ITIH5: variants seen among roughly 807,000 people sequenced by gnomAD.
The protein encoded by ITIH5 is inter-alpha-trypsin inhibitor heavy chain H5.
In ITIH5, 65 loss-of-function variants were observed where a neutral mutation model predicts 77.5. The ratio of observed to expected loss-of-function variants is 0.84; its 90% confidence interval spans 0.69 to 1.03. ITIH5 has a LOEUF of 1.03. ITIH5 is among the 50% of genes least tolerant of loss of function. The probability of loss-of-function intolerance (pLI) is 0.00; values close to 1 mark genes in which losing one functional copy is unlikely to be tolerated. For synonymous variants in ITIH5, 525 were observed against 494.3 expected (o/e 1.06, Z -0.82); for missense variants, 1,208 against 1,213.1 (o/e 1.00, Z 0.06).
At chr10:7,593,847 C>T (rs1832844262) in intron 7 of ITIH5, among the ~76,000 whole-genome samples, 1 of 152,224 alleles carries the variant, frequency 6.6e-6, no homozygotes, top group Admixed American at 6.5e-5. Flanking sequence ...ACTGCAGCCA[C>T]CTGGCCCCAC....
At chr10:7,616,176 A>C in intron 6 of ITIH5, 78 bp from the exon 7 acceptor site, 1 of 812,140 alleles carries the variant, frequency 1.2e-6, no homozygotes, top group Non-Finnish European at 2.1e-6. Context: ...TAGTCTATGG[A>C]ATTTCTAAAA....
intron 11 of ITIH5, chr10:7,572,391 G>A: frequency 7.3e-6 from 10 of 1,365,818 alleles, no homozygotes; most frequent in Non-Finnish European, 8.8e-6. Flanking sequence ...CCCTTCTGAA[G>A]CCACGAACTG....
At chr10:7,636,123 A>G (rs1481784638) in intron 5 of ITIH5, among the ~76,000 whole-genome samples, 1 of 152,184 alleles carries the variant, frequency 6.6e-6, no homozygotes, top group Non-Finnish European at 1.5e-5. Context: ...TGAAATTCAT[A>G]TAGTAACTAA....
intron 10 of ITIH5, among the ~76,000 whole-genome samples, chr10:7,574,139 G>A (rs1345737058): frequency 6.6e-6 from 1 of 152,120 alleles, no homozygotes; most frequent in Non-Finnish European, 1.5e-5. Flanking sequence ...TCAAAGTACT[G>A]GTGCTTTGAA....
intron 12 of ITIH5, among the ~76,000 whole-genome samples, chr10:7,568,249 A>G (rs1046097989): frequency 6.6e-6 from 1 of 152,214 alleles, no homozygotes; most frequent in African/African-American, 2.4e-5. Context: ...TGCTTTGAGA[A>G]CAATCTTCCC....
At chr10:7,571,474 T>C (rs997083038) in intron 11 of ITIH5, 1 of 152,222 alleles carries the variant, frequency 6.6e-6, no homozygotes, top group Admixed American at 6.5e-5. Flanking sequence ...TGGAGTGCAA[T>C]GGTGCAATCT....
intron 5 of ITIH5, among the ~76,000 whole-genome samples, chr10:7,629,377 ATGTTGTAGCG>A (rs1833671173): frequency 1.7e-5 from 2 of 116,642 alleles, no homozygotes; most frequent in Admixed American, 1.8e-4. Context: ...GCGTGTGTCC[ATGTTGTAGCG>A]TGTGTCCATG....
chr10:7,610,005 C>CAAA (rs1300011307), intron 7 of ITIH5, among the ~76,000 whole-genome samples: 1 of 149,736 alleles, frequency 6.7e-6, no homozygotes, highest in Non-Finnish European at 1.5e-5. Flanking sequence ...CAACTAACAA[C>CAAA]AAAAAAAAGA....
chr10:7,664,897 G>A (rs1431558435), intron 1 of ITIH5, among the ~76,000 whole-genome samples: 1 of 152,140 alleles, frequency 6.6e-6, no homozygotes, highest in Non-Finnish European at 1.5e-5. Context: ...CTAAGTAATT[G>A]CATCATCCCC....
chr10:7,604,621 A>ATAGC (rs1282631370), intron 7 of ITIH5, among the ~76,000 whole-genome samples: 1 of 152,212 alleles, frequency 6.6e-6, no homozygotes, highest in Non-Finnish European at 1.5e-5. Context: ...CCTTCACACT[A>ATAGC]TAGCATATTC....
intron 11 of ITIH5, 23 bp downstream of exon 11, chr10:7,573,119 C>T (rs1450396522): frequency 3.7e-6 from 6 of 1,609,178 alleles, no homozygotes; most frequent in Non-Finnish European, 5.1e-6. Context: ...TCAATCCACA[C>T]ACAACCGCAT....
intron 10 of ITIH5, among the ~76,000 whole-genome samples, chr10:7,573,455 C>A (rs372137715): frequency 2.8e-4 from 43 of 151,614 alleles, no homozygotes; most frequent in African/African-American, 1.0e-3. Context: ...TCACTGGAGC[C>A]CAGGAGTTCG....
At chr10:7,591,344 C>T (rs1832789912) in intron 7 of ITIH5, among the ~76,000 whole-genome samples, 1 of 152,318 alleles carries the variant, frequency 6.6e-6, no homozygotes, top group Non-Finnish European at 1.5e-5. Flanking sequence ...CCTGCTTTCT[C>T]GTGACTTCCT....
At chr10:7,635,755 C>G (rs534693190) in intron 5 of ITIH5, among the ~76,000 whole-genome samples, 38 of 152,264 alleles carry the variant, frequency 2.5e-4, no homozygotes, top group South Asian at 1.9e-3. Context: ...ACCACCAGCT[C>G]TAGGCCTTGG....
intron 7 of ITIH5, among the ~76,000 whole-genome samples, chr10:7,598,326 C>G (rs1434651098): frequency 6.6e-6 from 1 of 152,034 alleles, no homozygotes; most frequent in Non-Finnish European, 1.5e-5. Flanking sequence ...TTCTACTGGC[C>G]AAAATATTTT....
intron 7 of ITIH5, among the ~76,000 whole-genome samples, chr10:7,591,102 G>A (rs568737499): frequency 6.6e-6 from 1 of 152,206 alleles, no homozygotes; most frequent in African/African-American, 2.4e-5. Context: ...TCACCATGTT[G>A]GCCAGGATGG....
intron 5 of ITIH5, among the ~76,000 whole-genome samples, chr10:7,635,886 A>G (rs1156326592): frequency 6.6e-6 from 1 of 152,176 alleles, no homozygotes; most frequent in Non-Finnish European, 1.5e-5. Flanking sequence ...TTCCTGGGTC[A>G]TTCTATGATT....
intron 5 of ITIH5, among the ~76,000 whole-genome samples, chr10:7,633,522 C>T (rs892592881): frequency 3.3e-5 from 5 of 152,086 alleles, no homozygotes; most frequent in Non-Finnish European, 7.4e-5. Flanking sequence ...GTAGATAGTG[C>T]AGTGGTTAAG....
chr10:7,575,035 C>T (rs1021568795), intron 10 of ITIH5, among the ~76,000 whole-genome samples: 3 of 152,164 alleles, frequency 2.0e-5, no homozygotes, highest in Admixed American at 2.0e-4. Flanking sequence ...TTAATCACAA[C>T]AAAAATTGTG....
Sources: gnomAD v4.1 joint callset for allele counts (sites outside exome capture counted in the v4.1 genomes callset) on GRCh38, gnomAD v4.1.1 for gene constraint, MANE v1.5 for transcripts, NCBI Gene and HGNC (gene_info 2026-07-23, HGNC 2026-07-21) for gene names.